Variants in GSE1 observed in about 807,000 individuals in gnomAD.
GSE1 encodes the protein Gse1 coiled-coil protein, also known as genetic suppressor element 1.
Under a neutral mutation model 112.6 loss-of-function variants are expected in GSE1, and 32 were observed. The ratio of observed to expected loss-of-function variants is 0.28; its 90% CI spans 0.21 to 0.38. The LOEUF is 0.38. GSE1 is among the 10% of genes least tolerant of loss of function. The pLI is 1.00. For missense variants in GSE1, 2,348 were observed against 1,699.2 expected (o/e 1.38, Z -6.71); for synonymous variants, 1,115 against 735.6 (o/e 1.52, Z -8.35).
chr16:85,292,267 T>A (rs1196628860), intron 1 of GSE1, among the ~76,000 whole-genome samples: 1 of 151,596 alleles, frequency 6.6e-6, no homozygotes, highest in African/African-American at 2.4e-5. Context: ...GCCTCTCTAG[T>A]AGCGAGGACT....
chr16:85,205,160 C>T (rs556263815), intron 1 of GSE1, among the ~76,000 whole-genome samples: 4 of 152,182 alleles, frequency 2.6e-5, no homozygotes, highest in African/African-American at 7.2e-5. Flanking sequence ...GACAGAGTCT[C>T]GCTCTGTCAC....
chr16:85,422,876 G>A (rs577225777), intron 2 of GSE1, among the ~76,000 whole-genome samples: 8 of 152,126 alleles, frequency 5.3e-5, no homozygotes, highest in East Asian at 1.9e-4. Context: ...CCTGACGCTC[G>A]GGGCTCCAGG....
chr16:85,579,204 G>C (rs1250231182), intron 1 of GSE1, among the ~76,000 whole-genome samples: 2 of 152,174 alleles, frequency 1.3e-5, no homozygotes, highest in African/African-American at 2.4e-5. Context: ...GGTCGGGGTG[G>C]AGGGGACCCT....
intron 2 of GSE1, among the ~76,000 whole-genome samples, chr16:85,533,454 C>G (rs1358902391): frequency 6.6e-6 from 1 of 151,916 alleles, no homozygotes; most frequent in African/African-American, 2.4e-5. Flanking sequence ...CAAAAAATCT[C>G]TGTTTGCATA....
chr16:85,397,170 C>A (rs1454105634), intron 2 of GSE1, among the ~76,000 whole-genome samples: 2 of 152,204 alleles, frequency 1.3e-5, no homozygotes, highest in Admixed American at 1.3e-4. Flanking sequence ...TTCCCACACA[C>A]TGGGGCAGGG....
chr16:85,388,395 G>T (rs1597572269), intron 2 of GSE1, among the ~76,000 whole-genome samples: 1 of 138,160 alleles, frequency 7.2e-6, no homozygotes, highest in Non-Finnish European at 1.6e-5. Flanking sequence ...TGGATGGATG[G>T]ATGGATGGAT....
At chr16:85,169,980 C>T in exon 1 of GSE1, 1 of 984,630 alleles carries the variant, frequency 1.0e-6, no homozygotes, top group Non-Finnish European at 1.2e-6. Flanking sequence ...GCGACGACGA[C>T]GAGGACGACG....
At chr16:85,571,873 G>T (rs2045996383) in intron 1 of GSE1, among the ~76,000 whole-genome samples, 1 of 152,048 alleles carries the variant, frequency 6.6e-6, no homozygotes, top group South Asian at 2.1e-4. Flanking sequence ...CATGAAATGG[G>T]GAAGTGAGTT....
chr16:85,350,548 G>A (rs758038164), intron 1 of GSE1, among the ~76,000 whole-genome samples: 5 of 151,856 alleles, frequency 3.3e-5, no homozygotes, highest in Non-Finnish European at 7.4e-5. Context: ...GACAGGCCCC[G>A]CCCCCACCAT....
chr16:85,597,846 T>C (rs1567630625), intron 1 of GSE1, among the ~76,000 whole-genome samples: 1 of 152,204 alleles, frequency 6.6e-6, no homozygotes, highest in Admixed American at 6.5e-5. Flanking sequence ...GCATTCGCTC[T>C]GTAGGAGAAT....
chr16:85,438,223 G>C (rs922851940), intron 2 of GSE1, among the ~76,000 whole-genome samples: 2 of 152,202 alleles, frequency 1.3e-5, no homozygotes, highest in East Asian at 1.9e-4. Context: ...GAATGAGAGA[G>C]TGAATGAATG....
chr16:85,339,178 C>G (rs1014185051), intron 1 of GSE1, among the ~76,000 whole-genome samples: 1 of 152,174 alleles, frequency 6.6e-6, no homozygotes, highest in African/African-American at 2.4e-5. Context: ...TAGCCAGGCC[C>G]GTAGTAGTTC....
chr16:85,235,288 C>T (rs1904478217), intron 1 of GSE1, among the ~76,000 whole-genome samples: 1 of 151,850 alleles, frequency 6.6e-6, no homozygotes, highest in African/African-American at 2.4e-5. Flanking sequence ...GGGCTGGCCT[C>T]TTCCCCCACT....
chr16:85,649,474 C>T (rs753805273), intron 3 of GSE1, among the ~76,000 whole-genome samples: 18 of 152,338 alleles, frequency 1.2e-4, no homozygotes, highest in African/African-American at 2.2e-4. Flanking sequence ...GGGCTCCCAG[C>T]GGAGGCCCCT....
chr16:85,170,600 G>A (rs1282547080), exon 1 of GSE1: 5 of 985,410 alleles, frequency 5.1e-6, no homozygotes, highest in Non-Finnish European at 6.0e-6. Flanking sequence ...CTCCAGGACA[G>A]CCGGGCGGCA....
intron 2 of GSE1, among the ~76,000 whole-genome samples, chr16:85,461,057 C>G (rs1166609187): frequency 6.6e-6 from 1 of 152,226 alleles, no homozygotes; most frequent in Non-Finnish European, 1.5e-5. Flanking sequence ...GGGACCCTCT[C>G]TCCCCACACC....
chr16:85,485,331 A>C (rs1264628011), intron 2 of GSE1, among the ~76,000 whole-genome samples: 1 of 152,228 alleles, frequency 6.6e-6, no homozygotes, highest in African/African-American at 2.4e-5. Flanking sequence ...GTCACACAGC[A>C]GGGTGGGCCA....
chr16:85,357,561 C>G (rs1000766432), exon 2 of GSE1: 1 of 1,288,302 alleles, frequency 7.8e-7, no homozygotes, highest in South Asian at 1.2e-5. Context: ...TGCCCAGAGG[C>G]CCCAGGATGG....
intron 2 of GSE1, among the ~76,000 whole-genome samples, chr16:85,482,877 C>T (rs1232443405): frequency 6.6e-6 from 1 of 151,696 alleles, no homozygotes; most frequent in African/African-American, 2.4e-5. Context: ...CCTTGGGAGG[C>T]TGAGGCAGGA....
Sources: allele counts gnomAD v4.1 joint callset (sites outside exome capture counted in the v4.1 genomes callset), GRCh38; gene constraint gnomAD v4.1.1; transcripts MANE v1.5; gene names NCBI Gene and HGNC (gene_info 2026-07-23, HGNC 2026-07-21).